The following LCOR variants were observed in gnomAD, a reference collection of about 807,000 sequenced individuals.
LCOR encodes the protein ligand dependent nuclear receptor corepressor.
A neutral mutation model predicts 64.4 loss-of-function variants in LCOR; 14 were observed. That is an observed-to-expected ratio of 0.22 (90% CI 0.14 to 0.34). The LOEUF (loss-of-function observed/expected upper bound fraction) is 0.34, where lower values mean the gene tolerates loss of function less well. Among genes scored for constraint, LCOR ranks in the 10% least tolerant of loss-of-function variants. LCOR has a pLI of 1.00. For synonymous variants in LCOR, 643 were observed against 642.5 expected (o/e 1.00, Z -0.01); for missense variants, 1,686 against 1,765.3 (o/e 0.96, Z 0.80).
chr10:96,970,568 C>A (rs1383133223), intron 7 of LCOR, among the ~76,000 whole-genome samples: 1 of 150,870 alleles, frequency 6.6e-6, no homozygotes, highest in African/African-American at 2.4e-5. Flanking sequence ...CCAGCTACAG[C>A]CTATTAATGG....
At chr10:96,936,965 C>T (rs1564631215) in intron 4 of LCOR, among the ~76,000 whole-genome samples, 2 of 152,310 alleles carry the variant, frequency 1.3e-5, no homozygotes, top group South Asian at 2.1e-4. Context: ...TGAATATTCT[C>T]TCTCTTTTCT....
intron 2 of LCOR, among the ~76,000 whole-genome samples, chr10:96,880,425 T>C (rs1358518724): frequency 6.6e-6 from 1 of 152,028 alleles, no homozygotes; most frequent in Non-Finnish European, 1.5e-5. Flanking sequence ...TTGGGAAGAG[T>C]CTCACTCTGT....
chr10:96,950,936 A>G (rs537236791), intron 6 of LCOR, among the ~76,000 whole-genome samples: 3 of 152,242 alleles, frequency 2.0e-5, no homozygotes, highest in Middle Eastern at 3.4e-3. Context: ...GCTTATAATT[A>G]TATTTTTAGA....
At chr10:96,924,551 A>C (rs991180776) in intron 4 of LCOR, among the ~76,000 whole-genome samples, 4 of 151,954 alleles carry the variant, frequency 2.6e-5, no homozygotes, top group African/African-American at 9.7e-5. Context: ...CACATTAAAA[A>C]ATTTTTTATT....
intron 4 of LCOR, among the ~76,000 whole-genome samples, chr10:96,929,440 T>C (rs547856741): frequency 4.7e-4 from 71 of 152,354 alleles, no homozygotes; most frequent in African/African-American, 1.7e-3. Context: ...AGCTTCCAGC[T>C]TTTCTTCTGC....
chr10:96,908,642 T>C (rs1031810417), intron 4 of LCOR, among the ~76,000 whole-genome samples: 2 of 151,916 alleles, frequency 1.3e-5, no homozygotes, highest in Non-Finnish European at 2.9e-5. Flanking sequence ...TTATTAATAG[T>C]GGTTTACTAC....
chr10:96,868,814 T>G (rs1195272494), intron 2 of LCOR, among the ~76,000 whole-genome samples: 1 of 152,208 alleles, frequency 6.6e-6, no homozygotes, highest in Non-Finnish European at 1.5e-5. Flanking sequence ...GACCGTCATC[T>G]GTCTTGTTTA....
Position 96,985,167 on chromosome 10 carries a change from C to G in LCOR, c.*33C>G, listed in dbSNP as rs765476557. ...GATGGTAGCCAAGAGTAAAACTGTTCTATAGAAGTAACCTTTTATTTTGCA... is the reference window on the plus strand; with the variant it reads ...GATGGTAGCCAAGAGTAAAACTGTTGTATAGAAGTAACCTTTTATTTTGCA... On this transcript the variant is annotated 3_prime_UTR_variant, in exon 8 of 8. Coordinates refer to ENST00000421806, the MANE Select transcript of LCOR (RefSeq NM_001346516.2). 36 of 1,543,520 alleles carry G rather than the reference C, an allele frequency of 2.3e-5. No homozygotes were observed. The highest frequency in any genetic ancestry group is 2.7e-5 in the Non-Finnish European group (31 of 1,150,384).
At chr10:96,979,993 A>G (rs1848069866) in intron 7 of LCOR, among the ~76,000 whole-genome samples, 1 of 152,144 alleles carries the variant, frequency 6.6e-6, no homozygotes, top group Non-Finnish European at 1.5e-5. Flanking sequence ...AAATACAAAA[A>G]ATTAGCCAGG....
chr10:96,857,515 C>T (rs1033278532), intron 2 of LCOR, among the ~76,000 whole-genome samples: 11 of 152,160 alleles, frequency 7.2e-5, no homozygotes, highest in Non-Finnish European at 1.2e-4. Context: ...ACCACAATGG[C>T]TCTTTAGCCT....
intron 7 of LCOR, chr10:96,957,083 C>G (rs1847796312): frequency 1.0e-6 from 1 of 985,038 alleles, no homozygotes; most frequent in South Asian, 4.7e-5. Flanking sequence ...TCAGTTCTAA[C>G]AATTCAATCA....
At chr10:96,920,897 A>G (rs1035250683) in intron 4 of LCOR, among the ~76,000 whole-genome samples, 6 of 152,014 alleles carry the variant, frequency 3.9e-5, no homozygotes, top group South Asian at 2.1e-4. Context: ...TCCCGGGCAC[A>G]TGTAATCCTC....
In LCOR at chr10:96,989,248, G is replaced by A. The variant is rs1197909292; in HGVS notation, c.*4114G>A. On this transcript the variant is annotated 3_prime_UTR_variant, in exon 8 of 8. Transcript: ENST00000421806. ...CGAGCCGGAACCCATGAGCAAATAG[G>A]GATTCAGAGTTCTAAAATTATGTGG... is the stretch of plus-strand genomic sequence containing the variant. 2 of 152,104 alleles carry A rather than the reference G, an allele frequency of 1.3e-5. No homozygotes were observed. Among genetic ancestry groups the A allele is most frequent in the Non-Finnish European group, 2.9e-5 (2 of 68,024 alleles). The allele number at this position is 152,104 out of a possible 1,614,324, so 9.4% of individuals were successfully genotyped here. A position where few individuals can be genotyped will look rare whatever the true frequency, so the allele number is the denominator to read the frequency against.
At chr10:96,853,123 C>T (rs558559401) in intron 2 of LCOR, among the ~76,000 whole-genome samples, 2 of 152,102 alleles carry the variant, frequency 1.3e-5, no homozygotes, top group East Asian at 3.9e-4. Context: ...CTTGGCTCAC[C>T]GCACTGCAGC....
intron 4 of LCOR, among the ~76,000 whole-genome samples, chr10:96,928,577 C>G (rs1053623025): frequency 6.6e-6 from 1 of 152,146 alleles, no homozygotes. Flanking sequence ...TGAACTTCTC[C>G]AAGTCATCTG....
rs1848150990 is a variant in LCOR at position 96,986,499 on chromosome 10, G to A, written c.*1365G>A. On this transcript the variant is annotated 3_prime_UTR_variant, in exon 8 of 8. Coordinates refer to ENST00000421806, the MANE Select transcript of LCOR (RefSeq NM_001346516.2). ...ATTCTGATTGATTAACACCATCCTA[G>A]TAGTTAAATGCTTGTAGTATCACTC... 1 of 152,190 alleles carries A rather than the reference G, an allele frequency of 6.6e-6. No homozygotes were observed. The highest frequency in any genetic ancestry group is 1.9e-4 in the East Asian group (1 of 5,202). The allele number at this position is 152,190 out of a possible 1,614,324, so 9.4% of individuals were successfully genotyped here.
intron 4 of LCOR, among the ~76,000 whole-genome samples, chr10:96,938,457 T>C (rs1457320324): frequency 6.6e-6 from 1 of 151,638 alleles, no homozygotes. Flanking sequence ...ATGGAACAGC[T>C]TCCCCCGAGA....
At position 96,983,110 on chromosome 10, in the gene LCOR, G is replaced by A; in HGVS notation, c.2650G>A (p.Glu884Lys). 1 of 1,613,584 alleles carries A rather than the reference G, an allele frequency of 6.2e-7. No individual in the cohort carries two copies. Among genetic ancestry groups the A allele is most frequent in the Non-Finnish European group, 8.5e-7 (1 of 1,179,642 alleles). ...CCACACGGAAACTCTGGAGGACACA[G>A]AAAAGCCAAGTGTCAATGAACGCCC... ...SFHTETLEDT[E>K]KPSVNERPSE... Residue 884 changes from glutamate (E) to lysine (K), a missense_variant, in exon 8 of 8, where the codon GAA becomes AAA. Physicochemically the swap from Glu to Lys is moderately conservative, Grantham distance 56. This residue lies in a region of LCOR where 1,293 missense variants were observed against 1,410.4 expected (regional missense o/e 0.92). Transcript: ENST00000421806. The surrounding 1 kb of genome is among the most constrained non-coding windows in gnomAD (Gnocchi z 4.5).
intron 2 of LCOR, among the ~76,000 whole-genome samples, chr10:96,888,386 AAAAAAG>A (rs1461245714): frequency 7.9e-4 from 119 of 150,184 alleles, no homozygotes; most frequent in South Asian, 6.7e-3. Context: ...AAAAAAAAAA[AAAAAAG>A]AACAGTATAT....
Sources: allele counts gnomAD v4.1 joint callset (sites outside exome capture counted in the v4.1 genomes callset), GRCh38; gene constraint gnomAD v4.1.1; regional missense constraint gnomAD v4.1.1; non-coding constraint Gnocchi (gnomAD v3.1); transcripts MANE v1.5; gene names NCBI Gene and HGNC (gene_info 2026-07-23, HGNC 2026-07-21).